The following MTDH variants were observed in gnomAD, a reference collection of about 807,000 sequenced individuals.
MTDH encodes metadherin, also known as protein LYRIC.
Under a neutral mutation model 72.7 loss-of-function variants are expected in MTDH, and 34 were observed. The observed-to-expected ratio is 0.47, with a 90% CI of 0.36 to 0.62. The LOEUF (loss-of-function observed/expected upper bound fraction) is 0.62, where lower values mean the gene tolerates loss of function less well. Among genes scored for constraint, MTDH ranks in the 20% least tolerant of loss-of-function variants. MTDH has a pLI of 0.00. For synonymous variants in MTDH, 266 were observed against 268.9 expected (o/e 0.99, Z 0.10); for missense variants, 677 against 699.4 (o/e 0.97, Z 0.36).
chr8:97,695,319 G>A (rs1393540559), intron 6 of MTDH, among the ~76,000 whole-genome samples: 1 of 151,982 alleles, frequency 6.6e-6, no homozygotes, highest in Non-Finnish European at 1.5e-5. Context: ...TCACCATGTT[G>A]GCCAGGCTGG....
At chr8:97,685,585 C>T (rs1057334714) in intron 2 of MTDH, among the ~76,000 whole-genome samples, 4 of 151,892 alleles carry the variant, frequency 2.6e-5, no homozygotes, top group African/African-American at 7.3e-5. Context: ...CATGGTGAAG[C>T]CCTGTCTCTA....
intron 6 of MTDH, among the ~76,000 whole-genome samples, chr8:97,697,410 G>A (rs1187469596): frequency 2.4e-5 from 3 of 126,084 alleles, no homozygotes; most frequent in Non-Finnish European, 3.3e-5. Context: ...TTTTTGAGAC[G>A]GAGTCTCGCT....
In MTDH at chr8:97,724,795, C is replaced by CT; in HGVS notation, c.*126dup. On this transcript the variant is annotated 3_prime_UTR_variant, in exon 12 of 12. Transcript: ENST00000336273. ...ATTTAAACCAATTTTTAAAACAAAA[C>CT]TGCGGACACCACCATAAAAATGGAA... 1 of 599,620 alleles carries CT rather than the reference C, an allele frequency of 1.7e-6. No homozygotes were observed. The highest frequency in any genetic ancestry group is 2.7e-6 in the Non-Finnish European group (1 of 367,818). 37.1% of individuals were successfully genotyped at this position (599,620 alleles called of 1,614,324 possible). A position where few individuals can be genotyped will look rare whatever the true frequency, so the allele number is the denominator to read the frequency against.
At chr8:97,693,253 C>T (rs999505243) in intron 6 of MTDH, among the ~76,000 whole-genome samples, 3 of 151,938 alleles carry the variant, frequency 2.0e-5, no homozygotes, top group African/African-American at 4.8e-5. Flanking sequence ...GCAAAAAGTA[C>T]GTAAATTATT....
intron 2 of MTDH, among the ~76,000 whole-genome samples, chr8:97,685,789 G>A (rs1008780005): frequency 6.6e-6 from 1 of 151,788 alleles, no homozygotes; most frequent in Non-Finnish European, 1.5e-5. Context: ...GTGTGCAGTA[G>A]TATATACATA....
At chr8:97,654,049 A>G (rs933770606) in intron 1 of MTDH, among the ~76,000 whole-genome samples, 10 of 152,204 alleles carry the variant, frequency 6.6e-5, no homozygotes, top group Admixed American at 1.3e-4. Context: ...TCATAAAGGT[A>G]ACCCTGAGCA....
Position 97,691,003 on chromosome 8 carries a change from A to G in MTDH, c.863A>G (p.Glu288Gly). Residue 288 changes from glutamate (E) to glycine (G), a missense_variant, in exon 6 of 12, where the codon GAA (glutamate) becomes GGA (glycine). Transcript: ENST00000336273. ...NLTVNGGGWN[E>G]KSVKLSSQIS... ...ACTGTCAATGGAGGAGGCTGGAATG[A>G]AAAGTCTGTAAAACTCTCCTCACAG... The G allele has an allele frequency of 6.2e-7, 1 of 1,614,094 alleles. No homozygotes were observed. The highest frequency in any genetic ancestry group is 8.5e-7 in the Non-Finnish European group (1 of 1,179,972).
chr8:97,713,957 C>T (rs943169472), intron 9 of MTDH, among the ~76,000 whole-genome samples, 188 bp downstream of exon 9: 2 of 152,022 alleles, frequency 1.3e-5, no homozygotes, highest in African/African-American at 2.4e-5. Context: ...TCAAAAAATT[C>T]GTGTTAAAGG....
intron 7 of MTDH, among the ~76,000 whole-genome samples, chr8:97,702,712 A>G (rs1022604126): frequency 1.6e-4 from 24 of 152,252 alleles, no homozygotes; most frequent in African/African-American, 5.3e-4. Context: ...GCTTAAACCT[A>G]AAACATTATT....
At chr8:97,681,733 T>TC (rs1220850418) in intron 2 of MTDH, among the ~76,000 whole-genome samples, 2 of 152,002 alleles carry the variant, frequency 1.3e-5, no homozygotes, top group Non-Finnish European at 2.9e-5. Flanking sequence ...CCTCAGGTAA[T>TC]CCGCCCACCT....
intron 2 of MTDH, among the ~76,000 whole-genome samples, chr8:97,661,775 A>G (rs1394413677): frequency 6.6e-6 from 1 of 152,052 alleles, no homozygotes; most frequent in East Asian, 1.9e-4. Flanking sequence ...AAATTTTGTC[A>G]TTACAAAAAA....
Position 97,724,649 on chromosome 8 carries a change from A to G in MTDH, c.1728A>G (p.Lys576=), listed in dbSNP as rs1377222311. 12 of 1,595,974 alleles carry G rather than the reference A, an allele frequency of 7.5e-6. No individual in the cohort carries two copies. The highest frequency in any genetic ancestry group is 2.3e-5 in the South Asian group (2 of 86,402). The change falls in exon 12 of 12, where the codon AAA becomes AAG. Residue 576 remains lysine, a synonymous_variant. Coordinates refer to ENST00000336273, the MANE Select transcript of MTDH (RefSeq NM_178812.4). ...CTCCCAAACAAATAAAAAAGAAGAA[A>G]AAAGCCAGACGAGAAACGTGAAATT... ...WESPKQIKKK[K]KARRET
At chr8:97,676,245 A>T (rs1812840995) in intron 2 of MTDH, among the ~76,000 whole-genome samples, 1 of 152,110 alleles carries the variant, frequency 6.6e-6, no homozygotes, top group South Asian at 2.1e-4. Flanking sequence ...TGGCCACAGA[A>T]GGTGTTTTAT....
At chr8:97,649,226 T>A (rs1026882284) in intron 1 of MTDH, among the ~76,000 whole-genome samples, 4 of 152,220 alleles carry the variant, frequency 2.6e-5, no homozygotes, top group African/African-American at 9.6e-5. Context: ...GTATGCAGTG[T>A]CTTTTGTAGT....
intron 2 of MTDH, among the ~76,000 whole-genome samples, chr8:97,667,631 C>T (rs1002701756): frequency 1.3e-5 from 2 of 152,008 alleles, no homozygotes; most frequent in African/African-American, 2.4e-5. Context: ...GCTATCTTGT[C>T]GCTTAAAGGA....
chr8:97,669,971 A>G (rs1196614881), intron 2 of MTDH, among the ~76,000 whole-genome samples: 1 of 151,362 alleles, frequency 6.6e-6, no homozygotes, highest in African/African-American at 2.4e-5. Context: ...TTCTGTGTAT[A>G]TGTAGCCTGG....
intron 10 of MTDH, among the ~76,000 whole-genome samples, chr8:97,720,383 C>G (rs1815067608): frequency 6.6e-6 from 1 of 152,012 alleles, no homozygotes; most frequent in Admixed American, 6.6e-5. Context: ...TTGAGACCAG[C>G]CTGGGCAACA....
At chr8:97,723,697 CAT>C in intron 11 of MTDH, among the ~76,000 whole-genome samples, 1 of 150,468 alleles carries the variant, frequency 6.6e-6, no homozygotes. Flanking sequence ...GAGCCGAGAT[CAT>C]GCCACTGCAC....
rs76993782 is a variant in MTDH, at chr8:97,646,508, A to G, written c.381+1621A>G. Among the ~76,000 whole-genome samples, 338 of 152,336 alleles carry G rather than the reference A, an allele frequency of 2.2e-3. 2 individuals are homozygous for G. The East Asian group carries it at 0.052, about 23-fold the overall frequency. ...AAAGAAACACATTCAGCACAAACCC[A>G]TGTGGATGAAGCACATTGTGAAAAT... On this transcript the variant is annotated intron_variant, in intron 1 of 11. Transcript: ENST00000336273.
Sources: gnomAD v4.1 joint callset for allele counts (sites outside exome capture counted in the v4.1 genomes callset) on GRCh38, gnomAD v4.1.1 for gene constraint, MANE v1.5 for transcripts, NCBI Gene and HGNC (gene_info 2026-07-23, HGNC 2026-07-21) for gene names.